The following MS4A3 variants were observed in gnomAD, a reference collection of about 807,000 sequenced individuals.
The protein encoded by MS4A3 is membrane-spanning 4-domains subfamily A member 3.
A neutral mutation model predicts 24.7 loss-of-function variants in MS4A3; 18 were observed. The observed-to-expected ratio is 0.73, with a 90% CI of 0.50 to 1.08. The LOEUF (loss-of-function observed/expected upper bound fraction) is 1.08, where lower values mean the gene tolerates loss of function less well. Among genes scored for constraint, MS4A3 ranks in the 50% least tolerant of loss-of-function variants. MS4A3 has a pLI of 0.00. For missense variants in MS4A3, 282 were observed against 251.7 expected (o/e 1.12, Z -0.82); for synonymous variants, 84 against 95.3 (o/e 0.88, Z 0.69).
intron 1 of MS4A3, among the ~76,000 whole-genome samples, chr11:60,059,167 CCAGTGTAATAATAAAA>C (rs1202595013): frequency 6.6e-6 from 1 of 151,880 alleles, no homozygotes; most frequent in Non-Finnish European, 1.5e-5. Context: ...ATAGCAATTC[CCAGTGTAATAATAAAA>C]CATGGCTTGA....
At chr11:60,064,640 A>T (rs1425170852) in intron 4 of MS4A3, among the ~76,000 whole-genome samples, 1 of 152,218 alleles carries the variant, frequency 6.6e-6, no homozygotes, top group Non-Finnish European at 1.5e-5. Context: ...GACAACTGAA[A>T]GTCCAAACTT....
rs479240 is a variant in MS4A3 at position 60,062,897 on chromosome 11, T to G, written c.294+292T>G. ...CCCTCTGCCTCCCCAGTTCAAGTGA[T>G]TCTCTTGCCTCAGTCTCCTGAGTGG... On this transcript the variant is annotated intron_variant, in intron 3 of 6. Coordinates refer to ENST00000278865, the MANE Select transcript of MS4A3 (RefSeq NM_006138.5). Among the ~76,000 whole-genome samples the G allele has an allele frequency of 0.52, 78,245 of 151,930 alleles. 21,516 individuals carry two copies. The highest frequency in any genetic ancestry group is 0.65 in the East Asian group (3,371 of 5,158).
In MS4A3 at chr11:60,061,203, T is replaced by C. The variant is rs757029049; in HGVS notation, c.43T>C (p.Ser15Pro). Reference protein sequence around the residue: ...EVDNAELGSASAHGTPGSEAG... With the variant: ...EVDNAELGSAPAHGTPGSEAG... Reference sequence around the variant, plus strand: ...TGATAATGCAGAGCTGGGGTCAGCCTCTGCCCATGGTACCCCAGGCAGTGA... The same window carrying C: ...TGATAATGCAGAGCTGGGGTCAGCCCCTGCCCATGGTACCCCAGGCAGTGA... The change falls in exon 2 of 7, where the codon TCT becomes CCT. Residue 15 changes from serine (S) to proline (P), a missense_variant. Coordinates refer to ENST00000278865, the MANE Select transcript of MS4A3 (RefSeq NM_006138.5). 6.2e-7 allele frequency: 1 copy of C among 1,612,964 alleles called. No homozygotes were observed. The highest frequency in any genetic ancestry group is 1.1e-5 in the South Asian group (1 of 90,906).
rs1009761892 is a variant in MS4A3 at position 60,066,830 on chromosome 11, G to A, written c.352-121G>A. Reference sequence around the variant, plus strand: ...TTCTTTGGTCATTGATGTTAGCCTCGCATCTAGGATATCAGTGGGTGTGTA... The same window carrying A: ...TTCTTTGGTCATTGATGTTAGCCTCACATCTAGGATATCAGTGGGTGTGTA... On this transcript the variant is annotated intron_variant, in intron 4 of 6. Transcript: ENST00000278865. The A allele has an allele frequency of 5.9e-5, 42 of 707,552 alleles. No individual in the cohort carries two copies. The Middle Eastern group carries it at 2.2e-3, about 37-fold the overall frequency. The allele number at this position is 707,552 out of a possible 1,614,324, so 43.8% of individuals were successfully genotyped here.
chr11:60,058,866 T>C (rs1344018668), intron 1 of MS4A3, among the ~76,000 whole-genome samples: 1 of 152,182 alleles, frequency 6.6e-6, no homozygotes, highest in African/African-American at 2.4e-5. Context: ...TGGCTATTCT[T>C]ATTTATACTT....
Position 60,070,397 on chromosome 11 carries a change from T to A in MS4A3, c.*164T>A, listed in dbSNP as rs997528712. On this transcript the variant is annotated 3_prime_UTR_variant, in exon 7 of 7. Coordinates refer to ENST00000278865, the MANE Select transcript of MS4A3 (RefSeq NM_006138.5). Reference sequence around the variant, plus strand: ...AACCTTGGACGTTTGACTGACTCTATCCTTTCTCTCCTAACTATAAATCCT... The same window carrying A: ...AACCTTGGACGTTTGACTGACTCTAACCTTTCTCTCCTAACTATAAATCCT... The A allele has an allele frequency of 5.2e-5, 30 of 576,770 alleles. No individual in the cohort carries two copies. Among genetic ancestry groups the A allele is most frequent in the Non-Finnish European group, 7.9e-5 (26 of 329,008 alleles). The allele number at this position is 576,770 out of a possible 1,614,324, so 35.7% of individuals were successfully genotyped here. A position where few individuals can be genotyped will look rare whatever the true frequency, so the allele number is the denominator to read the frequency against.
chr11:60,062,519 G>A lies in MS4A3; in HGVS notation c.208G>A (p.Gly70Ser), dbSNP rs140838251. The change falls in exon 3 of 7, where the codon GGT becomes AGT. Residue 70 changes from glycine to serine, a missense_variant. By Grantham distance (56) the Gly-to-Ser change is moderately conservative. Transcript: ENST00000278865. Reference sequence around the variant, plus strand: ...GATTCTGGCTTTGGGTGTCTTTCTGGGTTCCTTGCAATACCCATACCACTT... The same window carrying A: ...GATTCTGGCTTTGGGTGTCTTTCTGAGTTCCTTGCAATACCCATACCACTT... ...AMILALGVFLGSLQYPYHFQK... is the reference protein window; with the variant it reads ...AMILALGVFLSSLQYPYHFQK... 8.2e-4 allele frequency: 1,330 copies of A among 1,614,012 alleles called. 1 individual carries two copies. The highest frequency in any genetic ancestry group is 9.9e-4 in the Middle Eastern group (6 of 6,060).
intron 5 of MS4A3, among the ~76,000 whole-genome samples, chr11:60,068,645 T>G (rs911193988): frequency 5.3e-5 from 8 of 152,178 alleles, no homozygotes; most frequent in Admixed American, 5.2e-4. Flanking sequence ...ATTATCCATT[T>G]CATCCCAGTG....
Position 60,064,267 on chromosome 11 carries a change from T to G in MS4A3, c.300T>G (p.Cys100Trp), listed in dbSNP as rs771884436. The G allele has an allele frequency of 6.2e-7, 1 of 1,606,196 alleles. No homozygotes were observed. ...GYPIWGAVFF[C>W]SSGTLSVVAG... Reference sequence around the variant, plus strand: ...TCCTTCCTATTTTCAAACAGTTCTGTAGTTCAGGAACCTTGTCTGTTGTAG... The same window carrying G: ...TCCTTCCTATTTTCAAACAGTTCTGGAGTTCAGGAACCTTGTCTGTTGTAG... Residue 100 changes from cysteine to tryptophan, a missense_variant, in exon 4 of 7, where the codon TGT (cysteine) becomes TGG (tryptophan). Transcript: ENST00000278865.
In MS4A3 at chr11:60,067,062, T is replaced by C. The variant is rs1402866205; in HGVS notation, c.463T>C (p.Ser155Pro). The change falls in exon 5 of 7, where the codon TCT becomes CCT. Residue 155 changes from serine (S) to proline (P), a missense_variant. Physicochemically the swap from Ser to Pro is moderately conservative, Grantham distance 74. Transcript: ENST00000278865. ...VNIQSLRSCH[S>P]SSESPDLCNY... ...TATCCAGTCATTAAGGAGTTGTCAC[T>C]CTTCATCAGAGTCACCGGACCTATG... is the stretch of plus-strand genomic sequence containing the variant. 6.2e-7 allele frequency: 1 copy of C among 1,613,178 alleles called. No individual in the cohort carries two copies. The highest frequency in any genetic ancestry group is 1.3e-5 in the African/African-American group (1 of 74,882).
At chr11:60,060,583 A>G (rs1367600131) in intron 1 of MS4A3, among the ~76,000 whole-genome samples, 2 of 152,182 alleles carry the variant, frequency 1.3e-5, no homozygotes, top group South Asian at 2.1e-4. Flanking sequence ...AAAATCTGAA[A>G]TGATTTATAA....
At chr11:60,062,743 CAATT>C in intron 3 of MS4A3, 138 bp downstream of exon 3, 1 of 666,442 alleles carries the variant, frequency 1.5e-6, no homozygotes. Flanking sequence ...TTGATATAAA[CAATT>C]AGAGACGATA....
chr11:60,063,312 C>G (rs184673654), intron 3 of MS4A3, among the ~76,000 whole-genome samples: 3 of 152,258 alleles, frequency 2.0e-5, no homozygotes, highest in Admixed American at 2.0e-4. Flanking sequence ...TCAGAAGAAT[C>G]ATTTCCATTA....
chr11:60,067,466 C>T (rs1163964365), intron 5 of MS4A3, among the ~76,000 whole-genome samples: 4 of 151,948 alleles, frequency 2.6e-5, no homozygotes, highest in African/African-American at 9.7e-5. Context: ...CCGCCCGCCT[C>T]GGCCTCCCAA....
intron 5 of MS4A3, among the ~76,000 whole-genome samples, chr11:60,069,234 T>G (rs1655153989): frequency 6.6e-6 from 1 of 152,214 alleles, no homozygotes; most frequent in Non-Finnish European, 1.5e-5. Flanking sequence ...TTCATTTTTC[T>G]AAACTGCCTA....
chr11:60,067,081 A>C lies in MS4A3; in HGVS notation c.482A>C (p.Asp161Ala), dbSNP rs1274880666. The part of the protein sequence containing the change: ...RSCHSSSESP[D>A]LCNYMGSISN... ...TGTCACTCTTCATCAGAGTCACCGGACCTATGCAATTACATGGGCTCCATA... is the reference window on the plus strand; with the variant it reads ...TGTCACTCTTCATCAGAGTCACCGGCCCTATGCAATTACATGGGCTCCATA... The change falls in exon 5 of 7, where the codon GAC becomes GCC. Residue 161 changes from aspartate to alanine, a missense_variant. By Grantham distance (126) the Asp-to-Ala change is moderately radical. Transcript: ENST00000278865. The C allele has an allele frequency of 1.2e-6, 2 of 1,610,156 alleles. No individual in the cohort carries two copies. Among genetic ancestry groups the C allele is most frequent in the South Asian group, 1.1e-5 (1 of 90,122 alleles).
At chr11:60,067,405 C>T (rs1425233030) in intron 5 of MS4A3, among the ~76,000 whole-genome samples, 2 of 151,712 alleles carry the variant, frequency 1.3e-5, no homozygotes, top group African/African-American at 4.8e-5. Flanking sequence ...TTAGTAGAGA[C>T]GGGGTTTTAC....
At chr11:60,064,415 CTGAG>C (rs1855327090) in intron 4 of MS4A3, 97 bp downstream of exon 4, 2 of 808,212 alleles carry the variant, frequency 2.5e-6, no homozygotes, top group African/African-American at 3.5e-5. Flanking sequence ...AACTGAGACA[CTGAG>C]TATCATTTAA....
chr11:60,066,236 A>G (rs1855359203), intron 4 of MS4A3, among the ~76,000 whole-genome samples: 6 of 152,170 alleles, frequency 3.9e-5, no homozygotes, highest in Admixed American at 2.6e-4. Flanking sequence ...CATCCAATCC[A>G]CCTTGTCTCT....
Sources: allele counts gnomAD v4.1 joint callset (sites outside exome capture counted in the v4.1 genomes callset), GRCh38; gene constraint gnomAD v4.1.1; transcripts MANE v1.5; gene names NCBI Gene and HGNC (gene_info 2026-07-23, HGNC 2026-07-21).